Variants in WDR27 observed in about 807,000 individuals in gnomAD.
WDR27 encodes WD repeat-containing protein 27.
Under a neutral mutation model 114.4 loss-of-function variants are expected in WDR27, and 100 were observed. The ratio of observed to expected loss-of-function variants is 0.87; its 90% CI spans 0.74 to 1.03. The LOEUF is 1.03. Among genes scored for constraint, WDR27 ranks in the 50% least tolerant of loss-of-function variants. The pLI, the probability that WDR27 is intolerant of heterozygous loss-of-function variation, is 0.00. For missense variants in WDR27, 1,129 were observed against 1,092.9 expected, an observed-to-expected ratio of 1.03 and a Z score of -0.47; for synonymous variants, 449 against 423.1, an observed-to-expected ratio of 1.06 and a Z score of -0.75.
At chr6:169,675,893 G>A (rs1419526221) in intron 2 of WDR27, among the ~76,000 whole-genome samples, 1 of 152,162 alleles carries the variant, frequency 6.6e-6, no homozygotes, top group Non-Finnish European at 1.5e-5. Flanking sequence ...GGAAAACAAA[G>A]GGAAAAGGGG....
chr6:169,626,639 C>T (rs1014153142), intron 21 of WDR27, among the ~76,000 whole-genome samples: 6 of 152,340 alleles, frequency 3.9e-5, no homozygotes, highest in South Asian at 2.1e-4. Context: ...GATGACATCA[C>T]GCCGCTTTCC....
chr6:169,544,864 T>C (rs1473467113), intron 25 of WDR27, among the ~76,000 whole-genome samples: 1 of 152,218 alleles, frequency 6.6e-6, no homozygotes, highest in Non-Finnish European at 1.5e-5. Context: ...GTCTATAGTA[T>C]ATGCATGCTG....
chr6:169,481,454 C>G (rs966393423), intron 25 of WDR27, among the ~76,000 whole-genome samples: 1 of 152,210 alleles, frequency 6.6e-6, no homozygotes, highest in South Asian at 2.1e-4. Context: ...TGCTCGGGTT[C>G]CCTTCCACGC....
In WDR27 at chr6:169,541,051, G is replaced by A. The variant is rs117854091; in HGVS notation, c.2645+31368C>T. The stretch of plus-strand genomic sequence containing the variant: ...TTTCTATCTGAAATAAGCCTCCCTC[G>A]GAATTTACAATAAATTGCAAGGTGA... On this transcript the variant is annotated intron_variant, in intron 25 of 25. Coordinates refer to ENST00000448612, the MANE Select transcript of WDR27 (RefSeq NM_182552.5). 1.6e-3 allele frequency among the ~76,000 whole-genome samples: 241 copies of A among 151,412 alleles called. 6 individuals are homozygous for A. In the East Asian group the frequency reaches 0.036, roughly 23 times the overall value.
At chr6:169,455,327 C>G (rs1346906220), downstream of WDR27, among the ~76,000 whole-genome samples, 2 of 152,194 alleles carry the variant, frequency 1.3e-5, no homozygotes, top group Admixed American at 1.3e-4. Context: ...CTATCAAACA[C>G]ACAGGTCTAT....
chr6:169,498,312 G>A (rs1165392500), intron 25 of WDR27, among the ~76,000 whole-genome samples: 1 of 152,110 alleles, frequency 6.6e-6, no homozygotes, highest in Non-Finnish European at 1.5e-5. Flanking sequence ...GGGAGTTAGT[G>A]TTAATGGGTA....
At chr6:169,485,924 T>G (rs1313910197) in intron 25 of WDR27, among the ~76,000 whole-genome samples, 1 of 152,104 alleles carries the variant, frequency 6.6e-6, no homozygotes, top group Non-Finnish European at 1.5e-5. Flanking sequence ...AACCAAATAC[T>G]GCACGTTTTC....
intron 21 of WDR27, among the ~76,000 whole-genome samples, chr6:169,627,081 A>G (rs555402111): frequency 1.7e-4 from 26 of 152,198 alleles, no homozygotes; most frequent in Admixed American, 2.6e-4. Context: ...CGCCGCTGTA[A>G]TTTGTCAGGG....
At position 169,649,228 on chromosome 6, in the gene WDR27, C is replaced by T. The variant is rs552466959; in HGVS notation, c.1529G>A (p.Gly510Glu). The change falls in exon 15 of 26, where the codon GGA becomes GAA. Residue 510 changes from glycine (G) to glutamate (E), a missense_variant. By Grantham distance (98) the Gly-to-Glu change is moderately conservative. Coordinates refer to ENST00000448612, the MANE Select transcript of WDR27 (RefSeq NM_182552.5). ...GCAGCTGCTCCTGCTCCTTGAAGAT[C>T]CTTTCCCCTCACTCTTGATGTTGGT... ...PKTNIKSEGKGSSRSRSSCAR... is the reference protein window; with the variant it reads ...PKTNIKSEGKESSRSRSSCAR... 1 of 1,578,272 alleles carries T rather than the reference C, an allele frequency of 6.3e-7. No individual in the cohort carries two copies. Among genetic ancestry groups the T allele is most frequent in the Non-Finnish European group, 8.6e-7 (1 of 1,161,298 alleles).
chr6:169,646,228 C>T lies in WDR27; in HGVS notation c.1657+1545G>A, dbSNP rs539825191. ...CTGCCTTTGTCATCCTCGCCATCCT[C>T]CCTTAACAGAAGAGGAACAGCAGGA... On this transcript the variant is annotated intron_variant, in intron 16 of 25. Coordinates refer to ENST00000448612, the MANE Select transcript of WDR27 (RefSeq NM_182552.5). Among the ~76,000 whole-genome samples the T allele has an allele frequency of 3.3e-5, 5 of 152,306 alleles. No individual in the cohort carries two copies. In the South Asian group the frequency reaches 1.0e-3, roughly 32 times the overall value.
chr6:169,658,027 G>A (rs140446738), intron 13 of WDR27: 3 of 360,266 alleles, frequency 8.3e-6, no homozygotes, highest in East Asian at 8.9e-5. Context: ...GAGGAACAGC[G>A]GTCAGTCTTG....
At chr6:169,507,946 A>G (rs1482960732) in intron 25 of WDR27, among the ~76,000 whole-genome samples, 2 of 152,224 alleles carry the variant, frequency 1.3e-5, no homozygotes, top group Non-Finnish European at 2.9e-5. Flanking sequence ...TGCTGCATGT[A>G]CTTCTGTACT....
At chr6:169,592,885 A>T (rs1806026940) in intron 23 of WDR27, among the ~76,000 whole-genome samples, 1 of 152,222 alleles carries the variant, frequency 6.6e-6, no homozygotes, top group Admixed American at 6.5e-5. Context: ...ATGAATCCAG[A>T]ATTTTATTGA....
At chr6:169,583,510 T>TACAC (rs1432216672) in intron 23 of WDR27, among the ~76,000 whole-genome samples, 2 of 29,914 alleles carry the variant, frequency 6.7e-5, no homozygotes, top group African/African-American at 1.8e-4. Flanking sequence ...TATATGTATA[T>TACAC]ATACACACAC....
intron 24 of WDR27, among the ~76,000 whole-genome samples, chr6:169,582,482 C>T (rs1803654300): frequency 6.6e-6 from 1 of 152,154 alleles, no homozygotes; most frequent in African/African-American, 2.4e-5. Flanking sequence ...CTTGCTGGCA[C>T]TGGTGTTCAT....
chr6:169,633,496 G>A (rs1458735289), intron 20 of WDR27, among the ~76,000 whole-genome samples: 2 of 152,218 alleles, frequency 1.3e-5, no homozygotes, highest in East Asian at 3.9e-4. Flanking sequence ...CAGGCTTCAC[G>A]ATGGGAGACA....
chr6:169,638,363 A>G (rs139402481), intron 18 of WDR27, among the ~76,000 whole-genome samples, 176 bp downstream of exon 18: 1,796 of 150,720 alleles, frequency 0.012, 64 homozygotes, highest in Admixed American at 0.02. Context: ...AAACTAATCA[A>G]TAACTGTTAT....
rs139634469 is a variant in WDR27, at chr6:169,481,515, C to T, written c.2646-23881G>A. Among the ~76,000 whole-genome samples, 315 of 152,274 alleles carry T rather than the reference C, an allele frequency of 2.1e-3. 2 individuals are homozygous for T. Among genetic ancestry groups the T allele is most frequent in the African/African-American group, 7.3e-3 (301 of 41,490 alleles). ...TCGCAATAAATCTTGCTGCTGCTCACTCTTCGGGTTCGTGGCGCCTTTATG... is the reference window on the plus strand; with the variant it reads ...TCGCAATAAATCTTGCTGCTGCTCATTCTTCGGGTTCGTGGCGCCTTTATG... On this transcript the variant is annotated intron_variant, in intron 25 of 25. Transcript: ENST00000448612.
At chr6:169,573,453 G>A (rs1025962962) in intron 24 of WDR27, among the ~76,000 whole-genome samples, 6 of 152,072 alleles carry the variant, frequency 3.9e-5, no homozygotes, top group East Asian at 1.9e-4. Context: ...AACCAAACTC[G>A]GATCAAAAAT....
Sources: allele counts gnomAD v4.1 joint callset (sites outside exome capture counted in the v4.1 genomes callset), GRCh38; gene constraint gnomAD v4.1.1; transcripts MANE v1.5; gene names NCBI Gene and HGNC (gene_info 2026-07-23, HGNC 2026-07-21).